KDM5B: variants seen among roughly 807,000 people sequenced by gnomAD.
KDM5B encodes lysine demethylase 5B, also known as lysine-specific demethylase 5B.
Under a neutral mutation model 193.4 loss-of-function variants are expected in KDM5B, and 144 were observed. That is an observed-to-expected ratio of 0.74 (90% confidence interval 0.65 to 0.86). KDM5B has a LOEUF of 0.86. KDM5B is among the 40% of genes least tolerant of loss of function. KDM5B has a pLI of 0.00. For synonymous variants in KDM5B, 668 were observed against 682.6 expected, an observed-to-expected ratio of 0.98 and a Z score of 0.33; for missense variants, 1,833 against 1,886.9, an observed-to-expected ratio of 0.97 and a Z score of 0.53.
chr1:202,749,152 A>C lies in KDM5B; in HGVS notation c.1822-13T>G. ...GGCCTAATGGCAGCTGTATCAAAACACGGAAAGAAAAAAATAACATTCATC... is the reference window on the plus strand; with the variant it reads ...GGCCTAATGGCAGCTGTATCAAAACCCGGAAAGAAAAAAATAACATTCATC... On this transcript the variant is annotated splice_polypyrimidine_tract_variant and intron_variant, in intron 13 of 26. Transcript: ENST00000367265. 6.3e-7 allele frequency: 1 copy of C among 1,599,550 alleles called. No individual in the cohort carries two copies. Among genetic ancestry groups the C allele is most frequent in the South Asian group, 1.1e-5 (1 of 88,938 alleles).
At chr1:202,785,259 T>A (rs1385512817) in intron 1 of KDM5B, among the ~76,000 whole-genome samples, 1 of 152,242 alleles carries the variant, frequency 6.6e-6, no homozygotes, top group Non-Finnish European at 1.5e-5. Context: ...AGCTGGCATG[T>A]AACTGTCAAC....
At chr1:202,784,403 A>G (rs1657323016) in intron 1 of KDM5B, among the ~76,000 whole-genome samples, 1 of 152,230 alleles carries the variant, frequency 6.6e-6, no homozygotes, top group South Asian at 2.1e-4. Flanking sequence ...TTAATTGTAT[A>G]TGTTCTATGA....
intron 19 of KDM5B, 66 bp downstream of exon 19, chr1:202,741,301 T>A (rs564477710): frequency 5.4e-4 from 623 of 1,156,240 alleles, no homozygotes; most frequent in Non-Finnish European, 7.1e-4. Flanking sequence ...CCAATCATTG[T>A]GCTCTGTGTT....
rs191972751 is a variant in KDM5B at position 202,773,420 on chromosome 1, T to C, written c.406-132A>G. ...ACATGTTTTGCCAATCATATATATA[T>C]ACACACACACACATATATATACACA... is the stretch of plus-strand genomic sequence containing the variant. On this transcript the variant is annotated intron_variant, in intron 3 of 26. Coordinates refer to ENST00000367265, the MANE Select transcript of KDM5B (RefSeq NM_006618.5). The C allele has an allele frequency of 9.6e-4, 625 of 648,514 alleles. 1 individual carries two copies. The highest frequency in any genetic ancestry group is 1.4e-3 in the Non-Finnish European group (540 of 375,324). 40.2% of individuals were successfully genotyped at this position (648,514 alleles called of 1,614,324 possible). A position where few individuals can be genotyped will look rare whatever the true frequency, so the allele number is the denominator to read the frequency against.
chr1:202,780,130 T>C (rs1053597453), intron 1 of KDM5B, among the ~76,000 whole-genome samples: 6 of 152,158 alleles, frequency 3.9e-5, no homozygotes, highest in African/African-American at 1.4e-4. Flanking sequence ...TTTTTAGCTA[T>C]CAGATTAACA....
At chr1:202,729,289 T>A (rs1213969931) in intron 26 of KDM5B, 116 bp from the exon 27 acceptor site, 7 of 1,103,912 alleles carry the variant, frequency 6.3e-6, no homozygotes, top group Admixed American at 4.1e-5. Flanking sequence ...GTCCCACCAC[T>A]GGGACCTCTG....
At chr1:202,730,192 AC>A (rs1374289668) in intron 25 of KDM5B, among the ~76,000 whole-genome samples, 165 bp from the exon 26 acceptor site, 4 of 152,222 alleles carry the variant, frequency 2.6e-5, no homozygotes, top group African/African-American at 9.6e-5. Context: ...GTATAAGACA[AC>A]CAGTTTGGGT....
chr1:202,748,924 T>C (rs1655676149), intron 14 of KDM5B, 21 bp downstream of exon 14: 2 of 1,580,628 alleles, frequency 1.3e-6, no homozygotes, highest in Non-Finnish European at 1.7e-6. Context: ...CAACATGCAG[T>C]TGGATTTCCA....
chr1:202,764,926 A>G (rs910808431), intron 5 of KDM5B, among the ~76,000 whole-genome samples: 1 of 152,100 alleles, frequency 6.6e-6, no homozygotes, highest in Non-Finnish European at 1.5e-5. Context: ...GCAGTGAGCC[A>G]AGACCACACC....
At chr1:202,731,586 G>C (rs976434640) in intron 24 of KDM5B, among the ~76,000 whole-genome samples, 1 of 152,200 alleles carries the variant, frequency 6.6e-6, no homozygotes, top group African/African-American at 2.4e-5. Flanking sequence ...GTGTTTATCA[G>C]CTGGTGTGGC....
At chr1:202,730,344 C>T (rs527524544) in intron 25 of KDM5B, among the ~76,000 whole-genome samples, 1 of 152,164 alleles carries the variant, frequency 6.6e-6, no homozygotes, top group Non-Finnish European at 1.5e-5. Flanking sequence ...CTTCCTTTCA[C>T]CAAATCCCTG....
At position 202,807,918 on chromosome 1, in the gene KDM5B, ACCCTGGAGAAGC is replaced by A. The variant is rs1658374392; in HGVS notation, c.204+172_204+183del. Among the ~76,000 whole-genome samples, 9 of 148,940 alleles carry A rather than the reference ACCCTGGAGAAGC, an allele frequency of 6.0e-5. 1 individual carries two copies. In the South Asian group the frequency reaches 1.9e-3, roughly 32 times the overall value. ...GGTTCTCCCACGCTCCTCATCTCCC[ACCCTGGAGAAGC>A]CCCCGTCTTCCTCCCCCGGCCTCAA... is the stretch of plus-strand genomic sequence containing the variant. On this transcript the variant is annotated intron_variant, in intron 1 of 26. Transcript: ENST00000367265.
At chr1:202,801,002 C>T (rs1658049884) in intron 1 of KDM5B, among the ~76,000 whole-genome samples, 1 of 152,150 alleles carries the variant, frequency 6.6e-6, no homozygotes, top group African/African-American at 2.4e-5. Flanking sequence ...TCATAATTGC[C>T]CAAATGTCAC....
At chr1:202,737,355 C>G (rs1349594716) in intron 20 of KDM5B, among the ~76,000 whole-genome samples, 1 of 152,180 alleles carries the variant, frequency 6.6e-6, no homozygotes, top group Non-Finnish European at 1.5e-5. Flanking sequence ...TAAATTTGCA[C>G]TTCTAACAAG....
intron 14 of KDM5B, 49 bp downstream of exon 14, chr1:202,748,896 C>T: frequency 6.8e-7 from 1 of 1,472,710 alleles, no homozygotes; most frequent in Non-Finnish European, 9.2e-7. Flanking sequence ...AAAAATTTTA[C>T]TAAATAATAC....
Position 202,733,730 on chromosome 1 carries a change from G to A in KDM5B, c.3580C>T (p.Leu1194Phe). The change falls in exon 23 of 27, where the codon CTC (leucine) becomes TTC (phenylalanine). Residue 1194 changes from leucine (L) to phenylalanine (F), a missense_variant. Around this residue, in one of 3 missense-constraint regions of KDM5B, gnomAD observed 1,379 missense variants for 1,349.6 expected, o/e 1.02. Transcript: ENST00000367265. ...CTGGTGTGGAAAGCATCCCTGCAGA[G>A]TTCACATTGAATCATAGGGGCAGCT... ...APAAPMIQCELCRDAFHTSCV... is the reference protein window; with the variant it reads ...APAAPMIQCEFCRDAFHTSCV... 1 of 1,614,128 alleles carries A rather than the reference G, an allele frequency of 6.2e-7. No homozygotes were observed. The highest frequency in any genetic ancestry group is 8.5e-7 in the Non-Finnish European group (1 of 1,180,000).
At chr1:202,788,038 A>G (rs918468139) in intron 1 of KDM5B, among the ~76,000 whole-genome samples, 1 of 152,194 alleles carries the variant, frequency 6.6e-6, no homozygotes. Flanking sequence ...TGCCCTATTG[A>G]ACGCCCTGCA....
chr1:202,772,636 A>C (rs1490782411), intron 4 of KDM5B, among the ~76,000 whole-genome samples: 2 of 152,204 alleles, frequency 1.3e-5, no homozygotes, highest in African/African-American at 4.8e-5. Flanking sequence ...CAAACTTCTA[A>C]GTATAGCTGC....
chr1:202,789,662 T>C (rs1390782993), intron 1 of KDM5B, among the ~76,000 whole-genome samples: 1 of 30,892 alleles, frequency 3.2e-5, no homozygotes, highest in Admixed American at 2.9e-4. Context: ...CAGAGCACCA[T>C]GGCGGGACCC....
Sources: gnomAD v4.1 joint callset for allele counts (sites outside exome capture counted in the v4.1 genomes callset) on GRCh38, gnomAD v4.1.1 for gene constraint, gnomAD v4.1.1 regional missense constraint, MANE v1.5 for transcripts, NCBI Gene and HGNC (gene_info 2026-07-23, HGNC 2026-07-21) for gene names.